DNAJC25: variants seen among roughly 807,000 people sequenced by gnomAD.
DNAJC25 encodes the protein dnaJ homolog subfamily C member 25.
Under a neutral mutation model 42.1 loss-of-function variants are expected in DNAJC25, and 26 were observed. The ratio of observed to expected loss-of-function variants is 0.62; its 90% CI spans 0.45 to 0.86. The LOEUF (loss-of-function observed/expected upper bound fraction) is 0.86. Among genes scored for constraint, DNAJC25 ranks in the 40% least tolerant of loss-of-function variants. The pLI, the probability that DNAJC25 is intolerant of heterozygous loss-of-function variation, is 0.00. For missense variants in DNAJC25, 404 were observed against 459.4 expected (o/e 0.88, Z 1.10); for synonymous variants, 189 against 179.9 (o/e 1.05, Z -0.40).
chr9:111,646,416 C>T (rs1261889757), intron 1 of DNAJC25, among the ~76,000 whole-genome samples: 3 of 152,146 alleles, frequency 2.0e-5, no homozygotes, highest in African/African-American at 7.2e-5. Context: ...CTATATGTTA[C>T]CTCATTTGTG....
chr9:111,631,768 C>T (rs1830284189), intron 1 of DNAJC25, 25 bp downstream of exon 1: 1 of 1,489,174 alleles, frequency 6.7e-7, no homozygotes, highest in Non-Finnish European at 8.9e-7. Flanking sequence ...CGTGGAGGGG[C>T]TTCGAAGACT....
intron 2 of DNAJC25, among the ~76,000 whole-genome samples, chr9:111,648,256 A>G (rs1374134230): frequency 6.8e-6 from 1 of 146,042 alleles, no homozygotes; most frequent in Non-Finnish European, 1.5e-5. Context: ...ATTCCCAGAA[A>G]CGATTCAGTT....
chr9:111,651,954 A>G (rs1393390811), intron 3 of DNAJC25, among the ~76,000 whole-genome samples: 4 of 152,194 alleles, frequency 2.6e-5, no homozygotes, highest in Non-Finnish European at 5.9e-5. Flanking sequence ...TAAAAAAATG[A>G]AAAATTCATA....
At chr9:111,644,245 A>G (rs1830530871) in intron 1 of DNAJC25, among the ~76,000 whole-genome samples, 1 of 152,210 alleles carries the variant, frequency 6.6e-6, no homozygotes. Context: ...TGGTAGTTTG[A>G]GGACTCCATT....
chr9:111,634,091 G>A (rs1237054663), intron 1 of DNAJC25, among the ~76,000 whole-genome samples: 1 of 152,192 alleles, frequency 6.6e-6, no homozygotes, highest in African/African-American at 2.4e-5. Flanking sequence ...TTATCTGTGA[G>A]ACAAAAGGGA....
chr9:111,634,515 C>T (rs1447231593), intron 1 of DNAJC25, among the ~76,000 whole-genome samples: 3 of 152,078 alleles, frequency 2.0e-5, no homozygotes, highest in Non-Finnish European at 2.9e-5. Flanking sequence ...GATAAAAGGT[C>T]CAGGTGGCGT....
intron 3 of DNAJC25, among the ~76,000 whole-genome samples, chr9:111,652,689 G>A (rs1159512176): frequency 6.6e-6 from 1 of 151,640 alleles, no homozygotes; most frequent in Non-Finnish European, 1.5e-5. Context: ...TTATAGGCAT[G>A]TGCCACCACG....
intron 3 of DNAJC25, among the ~76,000 whole-genome samples, chr9:111,651,358 C>G (rs1367381301): frequency 6.6e-6 from 1 of 151,202 alleles, no homozygotes; most frequent in Non-Finnish European, 1.5e-5. Context: ...CTTTTAAGTA[C>G]TTTTTTAAAA....
intron 1 of DNAJC25, among the ~76,000 whole-genome samples, chr9:111,642,006 C>T (rs1342388420): frequency 5.4e-3 from 636 of 117,754 alleles, no homozygotes; most frequent in African/African-American, 0.019. Flanking sequence ...CCCCCCTGCC[C>T]GGCCAGCCGC....
At chr9:111,640,068 C>G (rs1165037676) in intron 1 of DNAJC25, among the ~76,000 whole-genome samples, 1 of 151,740 alleles carries the variant, frequency 6.6e-6, no homozygotes, top group African/African-American at 2.4e-5. Flanking sequence ...TGCCGAATGC[C>G]TGCGATTGCA....
intron 1 of DNAJC25, chr9:111,643,226 G>A (rs1197153129): frequency 1.2e-5 from 3 of 248,776 alleles, no homozygotes; most frequent in Non-Finnish European, 2.4e-5. Flanking sequence ...CAGCCTTGCT[G>A]GTGAGATGGA....
chr9:111,652,308 G>T (rs1830673178), intron 3 of DNAJC25, among the ~76,000 whole-genome samples: 1 of 151,424 alleles, frequency 6.6e-6, no homozygotes. Context: ...CCAGGAGTTT[G>T]AGACCAGCCT....
intron 1 of DNAJC25, among the ~76,000 whole-genome samples, chr9:111,642,666 G>GCAATATCAAATTATTA (rs1392161241): frequency 3.4e-5 from 5 of 145,712 alleles, no homozygotes; most frequent in African/African-American, 1.3e-4. Context: ...AAAACTAGCT[G>GCAATATCAAATTATTA]CAATATCAAA....
chr9:111,646,614 C>A (rs1830571545), intron 1 of DNAJC25, among the ~76,000 whole-genome samples: 2 of 152,152 alleles, frequency 1.3e-5, no homozygotes, highest in African/African-American at 2.4e-5. Context: ...GACCGTTGGG[C>A]TGCATGGGTG....
chr9:111,640,788 A>C (rs1830442595), intron 1 of DNAJC25, among the ~76,000 whole-genome samples: 2 of 118,218 alleles, frequency 1.7e-5, no homozygotes, highest in Non-Finnish European at 3.4e-5. Context: ...CCATCTGGGA[A>C]GTGAGGAGCG....
intron 1 of DNAJC25, among the ~76,000 whole-genome samples, chr9:111,643,595 C>G (rs1054428715): frequency 1.3e-5 from 2 of 152,018 alleles, no homozygotes; most frequent in Admixed American, 6.5e-5. Flanking sequence ...CCAGAAATTG[C>G]TGTCTGAATG....
intron 1 of DNAJC25, among the ~76,000 whole-genome samples, chr9:111,637,743 C>G (rs1322110176): frequency 6.6e-6 from 1 of 152,136 alleles, no homozygotes; most frequent in Non-Finnish European, 1.5e-5. Flanking sequence ...ATTGACTGCT[C>G]TTCATTTCTT....
chr9:111,631,823 C>T (rs1589338522), intron 1 of DNAJC25, 80 bp downstream of exon 1: 2 of 1,434,600 alleles, frequency 1.4e-6, no homozygotes, highest in African/African-American at 1.5e-5. Context: ...GTCCGCGGAG[C>T]GTGGGCCTCT....
At chr9:111,642,133 GC>G in intron 1 of DNAJC25, among the ~76,000 whole-genome samples, 1 of 146,716 alleles carries the variant, frequency 6.8e-6, no homozygotes, top group East Asian at 2.1e-4. Flanking sequence ...TTGAGAACGG[GC>G]CAGGATGACA....
Sources: allele counts gnomAD v4.1 joint callset (sites outside exome capture counted in the v4.1 genomes callset), GRCh38; gene constraint gnomAD v4.1.1; transcripts MANE v1.5; gene names NCBI Gene and HGNC (gene_info 2026-07-23, HGNC 2026-07-21).